The following ZNF804B variants were observed in gnomAD, a reference collection of about 807,000 sequenced individuals.
ZNF804B encodes zinc finger protein 804B, also known as zinc finger 804B.
Under a neutral mutation model 101.4 loss-of-function variants are expected in ZNF804B, and 80 were observed. The observed-to-expected ratio is 0.79, with a 90% CI of 0.66 to 0.95. The LOEUF (loss-of-function observed/expected upper bound fraction) is 0.95. Ranked by LOEUF, ZNF804B falls within the 40% of genes least tolerant of loss-of-function variation. The pLI, the probability that ZNF804B is intolerant of heterozygous loss-of-function variation, is 0.00. For synonymous variants in ZNF804B, 622 were observed against 558.8 expected, an observed-to-expected ratio of 1.11 and a Z score of -1.59; for missense variants, 1,673 against 1,561.9, an observed-to-expected ratio of 1.07 and a Z score of -1.20.
chr7:89,211,540 T>C (rs1028502946), intron 1 of ZNF804B, among the ~76,000 whole-genome samples: 2 of 152,198 alleles, frequency 1.3e-5, no homozygotes, highest in Admixed American at 6.5e-5. Flanking sequence ...TTAATTTTTG[T>C]ATAAGGTGAA....
intron 1 of ZNF804B, among the ~76,000 whole-genome samples, chr7:89,111,788 C>T (rs1463071508): frequency 6.6e-6 from 1 of 152,002 alleles, no homozygotes; most frequent in East Asian, 1.9e-4. Flanking sequence ...TGATTGCCAA[C>T]ACAAAAATGT....
chr7:89,259,491 CT>C (rs1318865987), intron 2 of ZNF804B, among the ~76,000 whole-genome samples: 2 of 152,186 alleles, frequency 1.3e-5, no homozygotes, highest in African/African-American at 4.8e-5. Flanking sequence ...ATGATGGCAT[CT>C]TCAATGGTAT....
At chr7:89,185,096 T>C (rs1167347257) in intron 1 of ZNF804B, among the ~76,000 whole-genome samples, 1 of 152,072 alleles carries the variant, frequency 6.6e-6, no homozygotes, top group African/African-American at 2.4e-5. Context: ...TTTTACAAAA[T>C]AATGAGCAAA....
chr7:89,317,341 A>G (rs1301247385), intron 2 of ZNF804B, among the ~76,000 whole-genome samples: 2 of 152,214 alleles, frequency 1.3e-5, no homozygotes, highest in African/African-American at 2.4e-5. Flanking sequence ...AAAGTCTGCA[A>G]TGACTAGGAA....
chr7:88,883,517 C>T (rs990473113), intron 1 of ZNF804B, among the ~76,000 whole-genome samples: 1 of 152,076 alleles, frequency 6.6e-6, no homozygotes, highest in Admixed American at 6.6e-5. Context: ...AGCTCTTTTC[C>T]CCTTTCAGCC....
At chr7:89,021,735 AC>A (rs1788671076) in intron 1 of ZNF804B, among the ~76,000 whole-genome samples, 1 of 152,152 alleles carries the variant, frequency 6.6e-6, no homozygotes, top group African/African-American at 2.4e-5. Flanking sequence ...CAACACAGCC[AC>A]CCATGTGGGC....
intron 1 of ZNF804B, among the ~76,000 whole-genome samples, chr7:89,169,474 T>G (rs1791193109): frequency 1.3e-5 from 2 of 152,130 alleles, no homozygotes; most frequent in African/African-American, 2.4e-5. Flanking sequence ...GTGAGCTGAG[T>G]TACAAGCCCT....
At chr7:88,816,835 G>T (rs903687809) in intron 1 of ZNF804B, among the ~76,000 whole-genome samples, 1 of 146,154 alleles carries the variant, frequency 6.8e-6, no homozygotes, top group Non-Finnish European at 1.5e-5. Flanking sequence ...TGATTTCTCA[G>T]GGATCTAGAA....
chr7:89,090,847 G>A (rs1789874337), intron 1 of ZNF804B, among the ~76,000 whole-genome samples: 1 of 151,950 alleles, frequency 6.6e-6, no homozygotes, highest in East Asian at 1.9e-4. Flanking sequence ...CCCACAGAGA[G>A]TATAAAGGAA....
chr7:89,171,343 C>CTTCTTCTTCTTCTTT (rs1562904518), intron 1 of ZNF804B, among the ~76,000 whole-genome samples: 26 of 132,482 alleles, frequency 2.0e-4, no homozygotes, highest in African/African-American at 6.5e-4. Context: ...TCTTCTTCTT[C>CTTCTTCTTCTTCTTT]TTCTTCTTCT....
chr7:89,261,354 C>A (rs1383703048), intron 2 of ZNF804B, among the ~76,000 whole-genome samples: 1 of 151,998 alleles, frequency 6.6e-6, no homozygotes, highest in Non-Finnish European at 1.5e-5. Context: ...ATACCTTTTT[C>A]TTAATTTTTG....
intron 1 of ZNF804B, among the ~76,000 whole-genome samples, chr7:88,918,337 G>T (rs758606935): frequency 6.6e-6 from 1 of 152,108 alleles, no homozygotes; most frequent in African/African-American, 2.4e-5. Context: ...TTTTGGTTCA[G>T]TTAAGTTATA....
At chr7:88,837,754 T>G (rs1415241202) in intron 1 of ZNF804B, among the ~76,000 whole-genome samples, 1 of 151,826 alleles carries the variant, frequency 6.6e-6, no homozygotes, top group Non-Finnish European at 1.5e-5. Flanking sequence ...AGACTGAATT[T>G]TCTTCAAGTA....
At chr7:89,031,187 G>A (rs200646145) in intron 1 of ZNF804B, among the ~76,000 whole-genome samples, 1 of 120,480 alleles carries the variant, frequency 8.3e-6, no homozygotes, top group African/African-American at 2.9e-5. Context: ...ATATATATGT[G>A]TATATATATA....
At chr7:88,876,634 A>T (rs930905045) in intron 1 of ZNF804B, among the ~76,000 whole-genome samples, 1 of 152,060 alleles carries the variant, frequency 6.6e-6, no homozygotes, top group African/African-American at 2.4e-5. Context: ...TTGCATTTAG[A>T]ATAATTCTGT....
intron 1 of ZNF804B, among the ~76,000 whole-genome samples, chr7:88,930,547 A>G (rs911314755): frequency 1.3e-5 from 2 of 151,984 alleles, no homozygotes; most frequent in East Asian, 1.9e-4. Context: ...GCTTCAAATT[A>G]TGTCTCTTAA....
intron 1 of ZNF804B, among the ~76,000 whole-genome samples, chr7:88,861,405 C>A (rs1013841455): frequency 6.6e-6 from 1 of 152,068 alleles, no homozygotes; most frequent in Non-Finnish European, 1.5e-5. Flanking sequence ...TGAGGAAAGA[C>A]CTTAAGACAT....
At chr7:88,771,180 CTT>C (rs1179492661) in intron 1 of ZNF804B, among the ~76,000 whole-genome samples, 3 of 151,958 alleles carry the variant, frequency 2.0e-5, no homozygotes, top group African/African-American at 7.2e-5. Context: ...AAGGCTTTCT[CTT>C]TTGGTTTTTT....
At chr7:89,078,725 A>G (rs1583973988) in intron 1 of ZNF804B, among the ~76,000 whole-genome samples, 1 of 150,970 alleles carries the variant, frequency 6.6e-6, no homozygotes, top group South Asian at 2.1e-4. Flanking sequence ...TATGTCCAGT[A>G]TTATTTTCTC....
Sources: gnomAD v4.1 joint callset for allele counts (sites outside exome capture counted in the v4.1 genomes callset) on GRCh38, gnomAD v4.1.1 for gene constraint, MANE v1.5 for transcripts, NCBI Gene and HGNC (gene_info 2026-07-23, HGNC 2026-07-21) for gene names.